The following BCR variants were observed in gnomAD, a reference collection of about 807,000 sequenced individuals.
BCR encodes breakpoint cluster region protein.
In BCR, 58 loss-of-function variants were observed where a neutral mutation model predicts 138.6. The ratio of observed to expected loss-of-function variants is 0.42; its 90% CI spans 0.34 to 0.52. The LOEUF is 0.52. Ranked by LOEUF, BCR falls within the 20% of genes least tolerant of loss-of-function variation. The pLI, the probability that BCR is intolerant of heterozygous loss-of-function variation, is 0.06. For missense variants in BCR, 1,599 were observed against 1,727.2 expected (o/e 0.93, Z 1.32); for synonymous variants, 786 against 730.1 (o/e 1.08, Z -1.23).
At chr22:23,300,720 G>C (rs1206358347) in intron 16 of BCR, among the ~76,000 whole-genome samples, 6 of 152,174 alleles carry the variant, frequency 3.9e-5, no homozygotes, top group Non-Finnish European at 7.3e-5. Flanking sequence ...GCTTGTACCT[G>C]GTCAGGTGCC....
chr22:23,185,883 C>A (rs998946849), intron 1 of BCR, among the ~76,000 whole-genome samples: 2 of 151,830 alleles, frequency 1.3e-5, no homozygotes, highest in African/African-American at 4.8e-5. Flanking sequence ...CGCCCACCAC[C>A]ACACCCAGCT....
rs561663080 is a variant in BCR, at chr22:23,231,502, G to A, written c.1280-22297G>A. 3.9e-4 allele frequency among the ~76,000 whole-genome samples: 14 copies of A among 35,548 alleles called. No homozygotes were observed. In the East Asian group the frequency reaches 0.016, roughly 42 times the overall value. The allele number at this position is 35,548 out of a possible 152,430, so 23.3% of individuals were successfully genotyped here. A position where few individuals can be genotyped will look rare whatever the true frequency, so the allele number is the denominator to read the frequency against. ...AGCCTAGCCAACAGAGCAAGACCCC[G>A]TCTCATAAAATAAAATAAAATAAAA... On this transcript the variant is annotated intron_variant, in intron 1 of 22. Coordinates refer to ENST00000305877, the MANE Select transcript of BCR (RefSeq NM_004327.4).
intron 1 of BCR, among the ~76,000 whole-genome samples, chr22:23,192,839 A>T (rs745633747): frequency 6.6e-6 from 1 of 152,214 alleles, no homozygotes; most frequent in Admixed American, 6.5e-5. Flanking sequence ...GGGAAGATGT[A>T]GCGGAGATAC....
intron 14 of BCR, among the ~76,000 whole-genome samples, chr22:23,291,586 T>C (rs1685568535): frequency 6.6e-6 from 1 of 152,090 alleles, no homozygotes; most frequent in Non-Finnish European, 1.5e-5. Flanking sequence ...CACCCTACGC[T>C]GCCCCGTGGT....
intron 8 of BCR, among the ~76,000 whole-genome samples, chr22:23,274,717 G>A (rs1648757688): frequency 6.6e-6 from 1 of 152,030 alleles, no homozygotes; most frequent in Non-Finnish European, 1.5e-5. Flanking sequence ...AGACCAGCCT[G>A]GCCAACATGG....
At chr22:23,311,363 G>C (rs989281590) in intron 18 of BCR, among the ~76,000 whole-genome samples, 4 of 150,464 alleles carry the variant, frequency 2.7e-5, no homozygotes, top group Admixed American at 1.3e-4. Context: ...CCTCCCAGCC[G>C]GGGGTACAGG....
chr22:23,257,877 C>T (rs1000199337), intron 2 of BCR, among the ~76,000 whole-genome samples: 3 of 152,190 alleles, frequency 2.0e-5, no homozygotes, highest in African/African-American at 7.2e-5. Context: ...AAAAACGCAG[C>T]CAACACTAGG....
intron 1 of BCR, among the ~76,000 whole-genome samples, chr22:23,212,234 G>A (rs970277963): frequency 1.9e-4 from 29 of 152,314 alleles, no homozygotes; most frequent in African/African-American, 7.0e-4. Flanking sequence ...CTACAGCCCG[G>A]AATCTGAGCT....
At chr22:23,272,544 G>A (rs2073521219) in intron 6 of BCR, among the ~76,000 whole-genome samples, 3 of 152,288 alleles carry the variant, frequency 2.0e-5, no homozygotes, top group Middle Eastern at 3.4e-3. Flanking sequence ...TCCCACTGCA[G>A]TGGGGCTCAT....
At chr22:23,310,109 G>A (rs2073991090) in intron 17 of BCR, 2 of 511,140 alleles carry the variant, frequency 3.9e-6, no homozygotes, top group African/African-American at 1.9e-5. Flanking sequence ...TTTAGGAGGT[G>A]CTTCTGCAGA....
chr22:23,183,278 T>G (rs531697828), intron 1 of BCR, among the ~76,000 whole-genome samples: 1 of 152,336 alleles, frequency 6.6e-6, no homozygotes, highest in Non-Finnish European at 1.5e-5. Context: ...TTTGGAGTCC[T>G]GGTCCCTGTT....
intron 4 of BCR, chr22:23,263,796 G>A (rs1204604604): frequency 7.3e-7 from 1 of 1,378,334 alleles, no homozygotes; most frequent in East Asian, 2.3e-5. Flanking sequence ...GACGGCCAAG[G>A]TGTGGCCTTT....
chr22:23,254,160 G>T lies in BCR; in HGVS notation c.1461+180G>T, dbSNP rs145968600. On this transcript the variant is annotated intron_variant, in intron 2 of 22. Coordinates refer to ENST00000305877, the MANE Select transcript of BCR (RefSeq NM_004327.4). ...GGTACACAGACAGCCTGCCAGATGT[G>T]TTGATCAGGGAGATCGGGGGATGCT... Among the ~76,000 whole-genome samples, 276 of 152,324 alleles carry T rather than the reference G, an allele frequency of 1.8e-3. 1 individual carries two copies. Among genetic ancestry groups the T allele is most frequent in the African/African-American group, 6.2e-3 (258 of 41,586 alleles).
rs934332315 is a variant in BCR at position 23,208,892 on chromosome 22, T to C, written c.1279+26653T>C. On this transcript the variant is annotated intron_variant, in intron 1 of 22. Coordinates refer to ENST00000305877, the MANE Select transcript of BCR (RefSeq NM_004327.4). The stretch of plus-strand genomic sequence containing the variant: ...AAAAAGCTTCTGGACTCATTAAATA[T>C]AGGCTTTCCATTTCCCCTCCCCGCG... 3.9e-5 allele frequency among the ~76,000 whole-genome samples: 6 copies of C among 152,110 alleles called. 1 individual carries two copies. Among genetic ancestry groups the C allele is most frequent in the African/African-American group, 1.4e-4 (6 of 41,512 alleles).
chr22:23,195,375 G>A (rs908521295), intron 1 of BCR, among the ~76,000 whole-genome samples: 1 of 147,082 alleles, frequency 6.8e-6, no homozygotes, highest in Non-Finnish European at 1.5e-5. Flanking sequence ...ATCCAAGATC[G>A]CGCCATTGCA....
chr22:23,219,591 G>A (rs149313114), intron 1 of BCR, among the ~76,000 whole-genome samples: 23 of 152,334 alleles, frequency 1.5e-4, no homozygotes, highest in African/African-American at 4.8e-4. Flanking sequence ...TCAAGGTCAC[G>A]CATCTCAGGC....
At position 23,309,495 on chromosome 22, in the gene BCR, T is replaced by C; in HGVS notation, c.3072+12T>C. Reference sequence around the variant, plus strand: ...TCGCCATGAATGGGGTACGTGTCCGTGGGACTCTCCTGGTGCCCACTTCCC... The same window carrying C: ...TCGCCATGAATGGGGTACGTGTCCGCGGGACTCTCCTGGTGCCCACTTCCC... On this transcript the variant is annotated intron_variant, in intron 17 of 22. Coordinates refer to ENST00000305877, the MANE Select transcript of BCR (RefSeq NM_004327.4). The C allele has an allele frequency of 6.3e-7, 1 of 1,588,092 alleles. No homozygotes were observed. Among genetic ancestry groups the C allele is most frequent in the Non-Finnish European group, 8.6e-7 (1 of 1,165,912 alleles).
In BCR at chr22:23,261,490, G is replaced by C. The variant is rs775046221; in HGVS notation, c.1702G>C (p.Val568Leu). The change falls in exon 4 of 23, where the codon GTG (valine) becomes CTG (leucine). Residue 568 changes from valine to leucine, a missense_variant. By Grantham distance (32) the Val-to-Leu change is conservative. Around this residue, in one of 4 missense-constraint regions of BCR, gnomAD observed 590 missense variants for 762.4 expected, o/e 0.77. Coordinates refer to ENST00000305877, the MANE Select transcript of BCR (RefSeq NM_004327.4). Reference sequence around the variant, plus strand: ...GTTCTATGATGGGCTCTTCCCCCGCGTGCAGCAGTGGAGCCACCAGCAGCG... The same window carrying C: ...GTTCTATGATGGGCTCTTCCCCCGCCTGCAGCAGTGGAGCCACCAGCAGCG... The part of the protein sequence containing the change: ...KEFYDGLFPR[V>L]QQWSHQQRVG... 6.2e-7 allele frequency: 1 copy of C among 1,613,436 alleles called. No individual in the cohort carries two copies. Among genetic ancestry groups the C allele is most frequent in the East Asian group, 2.2e-5 (1 of 44,870 alleles).
At chr22:23,290,446 G>T (rs1457595709) in intron 14 of BCR, 33 bp downstream of exon 14, 1 of 1,599,348 alleles carries the variant, frequency 6.3e-7, no homozygotes. Flanking sequence ...GGGTTGCAGC[G>T]GCCGAGCCAG....
Sources: allele counts gnomAD v4.1 joint callset (sites outside exome capture counted in the v4.1 genomes callset), GRCh38; gene constraint gnomAD v4.1.1; regional missense constraint gnomAD v4.1.1; transcripts MANE v1.5; gene names NCBI Gene and HGNC (gene_info 2026-07-23, HGNC 2026-07-21).